Variants in VWA5B1 observed in about 807,000 individuals in gnomAD.
VWA5B1 encodes von Willebrand factor A domain containing 5B1.
Under a neutral mutation model 118.2 loss-of-function variants are expected in VWA5B1, and 115 were observed. The observed-to-expected ratio is 0.97, with a 90% CI of 0.84 to 1.14. VWA5B1 has a LOEUF of 1.14. Ranked by LOEUF, VWA5B1 falls within the 50% of genes most tolerant of loss-of-function variation. The pLI is 0.00. For synonymous variants in VWA5B1, 682 were observed against 658.4 expected (o/e 1.04, Z -0.55); for missense variants, 1,596 against 1,603.8 (o/e 1.00, Z 0.08).
At position 20,343,387 on chromosome 1, in the gene VWA5B1, G is replaced by A. The variant is rs980256766; in HGVS notation, c.2620G>A (p.Glu874Lys). ...GCTGGCGGAGCGCGAGGGCGAGATC[G>A]AGCAGGGTGAGCGCCACGGAACTGC... ...EQLAEREGEIEQGSNRRYQVS... is the reference protein window; with the variant it reads ...EQLAEREGEIKQGSNRRYQVS... The change falls in exon 16 of 22, where the codon GAG (glutamate) becomes AAG (lysine). Residue 874 changes from glutamate (E) to lysine (K), a missense_variant. Glu to Lys is a moderately conservative substitution (Grantham distance 56). Coordinates refer to ENST00000289815, the MANE Select transcript of VWA5B1 (RefSeq NM_001039500.3). 2.0e-6 allele frequency: 3 copies of A among 1,523,620 alleles called. No individual in the cohort carries two copies. Among genetic ancestry groups the A allele is most frequent in the Non-Finnish European group, 2.6e-6 (3 of 1,138,344 alleles). 94.4% of individuals were successfully genotyped at this position (1,523,620 alleles called of 1,614,324 possible). A position where few individuals can be genotyped will look rare whatever the true frequency, so the allele number is the denominator to read the frequency against.
chr1:20,329,673 C>T (rs986195979), intron 9 of VWA5B1, among the ~76,000 whole-genome samples: 2 of 152,158 alleles, frequency 1.3e-5, no homozygotes, highest in African/African-American at 4.8e-5. Flanking sequence ...TTTACTCTTG[C>T]TGCAAATGAC....
intron 2 of VWA5B1, among the ~76,000 whole-genome samples, chr1:20,312,539 A>G (rs899576233): frequency 3.3e-5 from 5 of 152,190 alleles, no homozygotes; most frequent in African/African-American, 1.2e-4. Context: ...GATGTGCTAT[A>G]TGAGGCCCAC....
At chr1:20,310,087 G>A (rs1299354418) in intron 1 of VWA5B1, among the ~76,000 whole-genome samples, 5 of 152,036 alleles carry the variant, frequency 3.3e-5, no homozygotes, top group African/African-American at 4.8e-5. Flanking sequence ...CATACCAAGC[G>A]TTCACTGCAG....
intron 1 of VWA5B1, among the ~76,000 whole-genome samples, chr1:20,306,663 T>C (rs2088664639): frequency 6.6e-6 from 1 of 152,212 alleles, no homozygotes; most frequent in Non-Finnish European, 1.5e-5. Flanking sequence ...GCACCTATTA[T>C]GTGCCAGGCA....
At chr1:20,301,993 A>G (rs1336666377) in intron 1 of VWA5B1, among the ~76,000 whole-genome samples, 2 of 152,070 alleles carry the variant, frequency 1.3e-5, no homozygotes, top group African/African-American at 2.4e-5. Flanking sequence ...ATCTTTTCAC[A>G]CGCTTAGCCC....
intron 10 of VWA5B1, 83 bp downstream of exon 10, chr1:20,330,465 T>A (rs1332476921): frequency 1.3e-6 from 2 of 1,485,230 alleles, no homozygotes; most frequent in Non-Finnish European, 1.8e-6. Context: ...ATGTGGAAAA[T>A]GCCAGAGGGA....
chr1:20,310,189 C>T (rs756971751), intron 1 of VWA5B1, among the ~76,000 whole-genome samples: 4 of 152,036 alleles, frequency 2.6e-5, no homozygotes, highest in African/African-American at 4.8e-5. Flanking sequence ...TAGAGATTAC[C>T]GGACACATAG....
rs1157460597 is a variant in VWA5B1, at chr1:20,356,540, G to A, written c.*2277G>A. 6.6e-6 allele frequency among the ~76,000 whole-genome samples: 1 copy of A among 152,182 alleles called. No individual in the cohort carries two copies. Among genetic ancestry groups the A allele is most frequent in the Non-Finnish European group, 1.5e-5 (1 of 68,044 alleles). ...GGCCTCAGCCTGGACAATGGCCAGG[G>A]CTTGAGGTGAACCGGTCTCTGCCAG... is the stretch of plus-strand genomic sequence containing the variant. On this transcript the variant is annotated 3_prime_UTR_variant, in exon 22 of 22. Coordinates refer to ENST00000289815, the MANE Select transcript of VWA5B1 (RefSeq NM_001039500.3).
intron 8 of VWA5B1, among the ~76,000 whole-genome samples, chr1:20,325,289 G>T (rs2089343639): frequency 6.6e-6 from 1 of 152,184 alleles, no homozygotes; most frequent in South Asian, 2.1e-4. Flanking sequence ...AGCAACACCT[G>T]GATTCCAGGG....
intron 8 of VWA5B1, among the ~76,000 whole-genome samples, chr1:20,325,700 G>A (rs903837975): frequency 2.0e-5 from 3 of 152,156 alleles, no homozygotes; most frequent in African/African-American, 7.2e-5. Context: ...CCCTTCTCCA[G>A]TTCAGCTCAC....
intron 4 of VWA5B1, 78 bp from the exon 5 acceptor site, chr1:20,317,452 T>G (rs1464590825): frequency 1.3e-6 from 2 of 1,507,994 alleles, no homozygotes; most frequent in Non-Finnish European, 1.8e-6. Context: ...GAACTCATCG[T>G]CCTCTCCTTG....
intron 4 of VWA5B1, among the ~76,000 whole-genome samples, chr1:20,316,589 G>A (rs1335678042): frequency 6.6e-6 from 1 of 152,202 alleles, no homozygotes; most frequent in African/African-American, 2.4e-5. Flanking sequence ...CTTAGGGGGT[G>A]TGCCTGTGGA....
chr1:20,343,105 G>C lies in VWA5B1; in HGVS notation c.2338G>C (p.Glu780Gln). 1.3e-6 allele frequency: 2 copies of C among 1,532,564 alleles called. No individual in the cohort carries two copies. The highest frequency in any genetic ancestry group is 1.8e-6 in the Non-Finnish European group (2 of 1,134,406). 94.9% of individuals were successfully genotyped at this position (1,532,564 alleles called of 1,614,324 possible). A position where few individuals can be genotyped will look rare whatever the true frequency, so the allele number is the denominator to read the frequency against. ...LEPSHHPSAF[E>Q]TETSSDWDPP... Reference sequence around the variant, plus strand: ...GCCGTCCCACCATCCCTCTGCCTTCGAGACAGAGACGTCCTCGGACTGGGA... The same window carrying C: ...GCCGTCCCACCATCCCTCTGCCTTCCAGACAGAGACGTCCTCGGACTGGGA... Residue 780 changes from glutamate (E) to glutamine (Q), a missense_variant, in exon 16 of 22, where the codon GAG becomes CAG. By Grantham distance (29) the Glu-to-Gln change is conservative. Coordinates refer to ENST00000289815, the MANE Select transcript of VWA5B1 (RefSeq NM_001039500.3).
In VWA5B1 at chr1:20,314,409, T is replaced by G; in HGVS notation, c.380T>G (p.Leu127Arg). 6.4e-7 allele frequency: 1 copy of G among 1,552,028 alleles called. No homozygotes were observed. Among genetic ancestry groups the G allele is most frequent in the Non-Finnish European group, 8.7e-7 (1 of 1,147,074 alleles). ...TTGGACGAGGATTTGGAGCGGATCC[T>G]GTTCGTGGCCAACCTGGGGACCATT... Reference protein sequence around the residue: ...VTLDEDLERILFVANLGTIAP... With the variant: ...VTLDEDLERIRFVANLGTIAP... The change falls in exon 4 of 22, where the codon CTG (leucine) becomes CGG (arginine). Residue 127 changes from leucine to arginine, a missense_variant. Physicochemically the swap from Leu to Arg is moderately radical, Grantham distance 102. Transcript: ENST00000289815.
At chr1:20,330,790 G>A in intron 10 of VWA5B1, 79 bp from the exon 11 acceptor site, 1 of 1,381,288 alleles carries the variant, frequency 7.2e-7, no homozygotes, top group South Asian at 1.2e-5. Flanking sequence ...GCCAGACCAT[G>A]CTCTGTCCCT....
At position 20,359,258 on chromosome 1, in the gene VWA5B1, C is replaced by T. The variant is rs1188838024; in HGVS notation, c.*4995C>T. ...CCTCAAGTGCCTATGGCATGCTACC[C>T]GTGCCCTTGCCTGCTCATCTGTAAT... On this transcript the variant is annotated 3_prime_UTR_variant, in exon 22 of 22. Transcript: ENST00000289815. 1.3e-5 allele frequency among the ~76,000 whole-genome samples: 2 copies of T among 152,198 alleles called. No homozygotes were observed. The highest frequency in any genetic ancestry group is 2.4e-5 in the African/African-American group (1 of 41,438).
At chr1:20,320,555 G>A (rs536711313) in intron 7 of VWA5B1, among the ~76,000 whole-genome samples, 1 of 152,356 alleles carries the variant, frequency 6.6e-6, no homozygotes, top group South Asian at 2.1e-4. Flanking sequence ...GGCCCAGTGG[G>A]CCTCCCAGGC....
At position 20,337,751 on chromosome 1, in the gene VWA5B1, A is replaced by C; in HGVS notation, c.2048A>C (p.Lys683Thr). ...TMASDPMPAA[K>T]RYPLRKARLQ... ...GCAAGTGACCCCATGCCAGCTGCCAAGAGATACCCACTGCGGAAAGCCAGG... is the reference window on the plus strand; with the variant it reads ...GCAAGTGACCCCATGCCAGCTGCCACGAGATACCCACTGCGGAAAGCCAGG... Residue 683 changes from lysine (K) to threonine (T), a missense_variant, in exon 14 of 22, where the codon AAG (lysine) becomes ACG (threonine). Physicochemically the swap from Lys to Thr is moderately conservative, Grantham distance 78. Transcript: ENST00000289815. The C allele has an allele frequency of 6.4e-7, 1 of 1,551,774 alleles. No individual in the cohort carries two copies. Among genetic ancestry groups the C allele is most frequent in the Non-Finnish European group, 8.7e-7 (1 of 1,147,006 alleles).
intron 16 of VWA5B1, among the ~76,000 whole-genome samples, chr1:20,343,853 C>G (rs1219823729): frequency 1.1e-5 from 1 of 94,416 alleles, no homozygotes; most frequent in African/African-American, 4.8e-5. Context: ...TGCCCGCCCA[C>G]TCGCCTCTCC....
Sources: allele counts gnomAD v4.1 joint callset (sites outside exome capture counted in the v4.1 genomes callset), GRCh38; gene constraint gnomAD v4.1.1; transcripts MANE v1.5; gene names NCBI Gene and HGNC (gene_info 2026-07-23, HGNC 2026-07-21).